FBXO45: variants seen among roughly 807,000 people sequenced by gnomAD.
FBXO45 encodes the protein F-box/SPRY domain-containing protein 1.
In FBXO45, 3 loss-of-function variants were observed where a neutral mutation model predicts 25.5. That is an observed-to-expected ratio of 0.12 (90% CI 0.05 to 0.30). The LOEUF (loss-of-function observed/expected upper bound fraction) is 0.30, where lower values mean the gene tolerates loss of function less well. Among genes scored for constraint, FBXO45 ranks in the 10% least tolerant of loss-of-function variants. The probability of loss-of-function intolerance (pLI) is 1.00; values close to 1 mark genes in which losing one functional copy is unlikely to be tolerated. For synonymous variants in FBXO45, 155 were observed against 149.8 expected, an observed-to-expected ratio of 1.03 and a Z score of -0.25; for missense variants, 219 against 365.0, an observed-to-expected ratio of 0.60 and a Z score of 3.26.
rs912872638 is a variant in FBXO45, at chr3:196,586,305, CTT to C, written c.*1990_*1991del. On this transcript the variant is annotated 3_prime_UTR_variant, in exon 3 of 3. Coordinates refer to ENST00000311630, the MANE Select transcript of FBXO45 (RefSeq NM_001105573.2). ...TTGAGAGTTTGGTTTATAATTGTCT[CTT>C]TTGTCTTGTTAGTAAACATTCATTT... is the stretch of plus-strand genomic sequence containing the variant. The C allele has an allele frequency of 2.0e-5, 3 of 152,100 alleles. No individual in the cohort carries two copies. 9.4% of individuals were successfully genotyped at this position (152,100 alleles called of 1,614,324 possible). A position where few individuals can be genotyped will look rare whatever the true frequency, so the allele number is the denominator to read the frequency against.
chr3:196,584,210 G>A lies in FBXO45; in HGVS notation c.753G>A (p.Gly251=). ...LAFERGYEFL[G]VAFRGLPKVC... ...TTGAACGTGGATATGAGTTCCTGGGGGTTGCTTTTAGAGGACTTCCAAAGG... is the reference window on the plus strand; with the variant it reads ...TTGAACGTGGATATGAGTTCCTGGGAGTTGCTTTTAGAGGACTTCCAAAGG... Residue 251 remains glycine (G), a synonymous_variant, in exon 3 of 3, where the codon GGG becomes GGA. Coordinates refer to ENST00000311630, the MANE Select transcript of FBXO45 (RefSeq NM_001105573.2). The surrounding 1 kb of genome is among the most constrained non-coding windows in gnomAD (Gnocchi z 4.3). 6.2e-7 allele frequency: 1 copy of A among 1,613,932 alleles called. No homozygotes were observed. Among genetic ancestry groups the A allele is most frequent in the Non-Finnish European group, 8.5e-7 (1 of 1,179,858 alleles).
At position 196,577,627 on chromosome 3, in the gene FBXO45, C is replaced by G. The variant is rs745817601; in HGVS notation, c.493C>G (p.Leu165Val). The G allele has an allele frequency of 1.1e-5, 17 of 1,613,624 alleles. No homozygotes were observed. The highest frequency in any genetic ancestry group is 1.4e-5 in the Non-Finnish European group (16 of 1,179,786). Residue 165 changes from leucine (L) to valine (V), a missense_variant, in exon 2 of 3, where the codon CTG becomes GTG. Around this residue, in one of 4 missense-constraint regions of FBXO45, gnomAD observed 31 missense variants for 107.2 expected, o/e 0.29. Transcript: ENST00000311630. ...ATGGGAAGTGTGGTGGGAGGGCCCTCTGGGCACTGTGGCAGTGATTGGAAT... is the reference window on the plus strand; with the variant it reads ...ATGGGAAGTGTGGTGGGAGGGCCCTGTGGGCACTGTGGCAGTGATTGGAAT... ...HAWEVWWEGP[L>V]GTVAVIGIAT... is the part of the protein sequence containing the mutation.
chr3:196,584,760 G>A lies in FBXO45; in HGVS notation c.*442G>A, dbSNP rs1736076509. ...ATTAGAAAAGTATGAAACTGGTTGG[G>A]TTTTATTTAATATTTTTAATATATT... On this transcript the variant is annotated 3_prime_UTR_variant, in exon 3 of 3. Coordinates refer to ENST00000311630, the MANE Select transcript of FBXO45 (RefSeq NM_001105573.2). This position sits in a 1 kb window ranked among gnomAD's most constrained non-coding sequence, Gnocchi z 4.3. 6.6e-6 allele frequency: 1 copy of A among 152,338 alleles called. No individual in the cohort carries two copies. Among genetic ancestry groups the A allele is most frequent in the African/African-American group, 2.4e-5 (1 of 41,338 alleles). 9.4% of individuals were successfully genotyped at this position (152,338 alleles called of 1,614,324 possible).
intron 1 of FBXO45, among the ~76,000 whole-genome samples, chr3:196,570,899 G>C (rs1264721288): frequency 6.6e-6 from 1 of 151,958 alleles, no homozygotes; most frequent in Non-Finnish European, 1.5e-5. Flanking sequence ...TTTCAGTAGA[G>C]ACAGGGTTTC....
intron 2 of FBXO45, among the ~76,000 whole-genome samples, chr3:196,579,609 A>G (rs1735974647): frequency 6.6e-6 from 1 of 152,212 alleles, no homozygotes; most frequent in Admixed American, 6.5e-5. Context: ...GAAAAAATGT[A>G]TATTCTTTTG....
At chr3:196,577,895 G>T in intron 2 of FBXO45, 86 bp downstream of exon 2, 3 of 764,734 alleles carry the variant, frequency 3.9e-6, no homozygotes, top group Non-Finnish European at 5.5e-6. Context: ...TTATATAGCA[G>T]TTTTTGTCTT....
At chr3:196,582,526 A>T (rs1156719589) in intron 2 of FBXO45, among the ~76,000 whole-genome samples, 2 of 152,174 alleles carry the variant, frequency 1.3e-5, no homozygotes, top group African/African-American at 2.4e-5. Context: ...AATCAGGTAG[A>T]ATTAAATTTT....
intron 2 of FBXO45, among the ~76,000 whole-genome samples, chr3:196,580,435 C>A (rs577388578): frequency 6.6e-6 from 1 of 152,250 alleles, no homozygotes; most frequent in East Asian, 1.9e-4. Flanking sequence ...TGGTCTCGAA[C>A]TCCTGACCTC....
At chr3:196,571,697 G>C (rs1467659614) in intron 1 of FBXO45, among the ~76,000 whole-genome samples, 1 of 152,138 alleles carries the variant, frequency 6.6e-6, no homozygotes, top group Non-Finnish European at 1.5e-5. Context: ...TCAGCTACCC[G>C]GTTCCTCTCC....
rs752435861 is a variant in FBXO45 at position 196,569,054 on chromosome 3, GCGGGCGCGGGCT to G, written c.76_87del (p.Ala26_Gly29del). The G allele has an allele frequency of 2.0e-5, 23 of 1,141,662 alleles. No individual in the cohort carries two copies. Among genetic ancestry groups the G allele is most frequent in the Middle Eastern group, 3.6e-4 (1 of 2,788 alleles). 70.7% of individuals were successfully genotyped at this position (1,141,662 alleles called of 1,614,324 possible). On this transcript the variant is annotated inframe_deletion, in exon 1 of 3. Coordinates refer to ENST00000311630, the MANE Select transcript of FBXO45 (RefSeq NM_001105573.2). The surrounding 1 kb of genome is among the most constrained non-coding windows in gnomAD (Gnocchi z 4.1). ...TGGCTGTAGCGGCGGCGGCGCGGGC[GCGGGCGCGGGCT>G]CGGGCTCTGGGGCCGCGGGGGCCGG...
Position 196,577,471 on chromosome 3 carries a change from G to A in FBXO45, c.337G>A (p.Ala113Thr). Residue 113 changes from alanine to threonine, a missense_variant, in exon 2 of 3, where the codon GCC becomes ACC. Transcript: ENST00000311630. ...YKAKIRAFQH[A>T]FSTNDCSRNV... The stretch of plus-strand genomic sequence containing the variant: ...TTTTTAGATACGTGCTTTTCAACAT[G>A]CCTTCAGCACTAATGACTGCTCCAG... The A allele has an allele frequency of 6.3e-7, 1 of 1,583,366 alleles. No individual in the cohort carries two copies.
intron 2 of FBXO45, among the ~76,000 whole-genome samples, chr3:196,582,620 C>CT (rs1315918307): frequency 0.032 from 4,508 of 140,236 alleles, 234 homozygotes; most frequent in African/African-American, 0.11. Flanking sequence ...ATGAAACATC[C>CT]TTTTTTTTTT....
intron 1 of FBXO45, among the ~76,000 whole-genome samples, chr3:196,572,961 G>A (rs936230563): frequency 2.0e-5 from 3 of 152,022 alleles, no homozygotes; most frequent in Non-Finnish European, 4.4e-5. Context: ...TTGCTCTGTT[G>A]CCCTGGCTGG....
intron 1 of FBXO45, among the ~76,000 whole-genome samples, chr3:196,576,081 A>G (rs1251236673): frequency 6.6e-6 from 1 of 152,234 alleles, no homozygotes; most frequent in Non-Finnish European, 1.5e-5. Context: ...TTGTGAATGC[A>G]TGGGATACTG....
chr3:196,577,570 A>AC lies in FBXO45; in HGVS notation c.438dup (p.Lys147GlnfsTer6). ...TGCTCAGAGCACTGATGGTGCAAGGACCAAGATTGGTTTCAGTGAGGGCCG... is the reference window on the plus strand; with the variant it reads ...TGCTCAGAGCACTGATGGTGCAAGGACCCAAGATTGGTTTCAGTGAGGGCCG... On this transcript the variant is annotated frameshift_variant, in exon 2 of 3. Transcript: ENST00000311630. LOFTEE classifies it high-confidence loss of function. The AC allele has an allele frequency of 6.2e-7, 1 of 1,614,004 alleles. No homozygotes were observed.
chr3:196,569,247 C>G lies in FBXO45; in HGVS notation c.263C>G (p.Ala88Gly), dbSNP rs368835436. Residue 88 changes from alanine to glycine, a missense_variant, in exon 1 of 3, where the codon GCA becomes GGA. Ala to Gly is a moderately conservative substitution (Grantham distance 60). Transcript: ENST00000311630. The surrounding 1 kb of genome is among the most constrained non-coding windows in gnomAD (Gnocchi z 4.1). ...VWRSLCARSL[A>G]EEALRTDILC... ...CGGAGCCTGTGCGCCCGCAGCCTGG[C>G]AGAAGAGGCTCTGCGCACGGACATC... 2.0e-5 allele frequency: 32 copies of G among 1,585,400 alleles called. No individual in the cohort carries two copies. The African/African-American group carries it at 3.6e-4, about 18-fold the overall frequency.
rs33962634 is a variant in FBXO45 at position 196,581,223 on chromosome 3, CTTTTTT to C, written c.676-2887_676-2882del. On this transcript the variant is annotated intron_variant, in intron 2 of 2. Coordinates refer to ENST00000311630, the MANE Select transcript of FBXO45 (RefSeq NM_001105573.2). ...TAGAATTTCCTTTTTTTTCTTTTTC[CTTTTTT>C]TTTTTTTTTTTTTTTTTTTTTTGAG... Among the ~76,000 whole-genome samples, 46 of 63,664 alleles carry C rather than the reference CTTTTTT, an allele frequency of 7.2e-4. No homozygotes were observed. In the East Asian group the frequency reaches 0.01, roughly 14 times the overall value. The allele number at this position is 63,664 out of a possible 152,430, so 41.8% of individuals were successfully genotyped here.
At chr3:196,570,009 C>T (rs1263400478) in intron 1 of FBXO45, among the ~76,000 whole-genome samples, 1 of 152,194 alleles carries the variant, frequency 6.6e-6, no homozygotes, top group Non-Finnish European at 1.5e-5. Context: ...GTGCTGATTA[C>T]AGTTTCGCTG....
At position 196,584,182 on chromosome 3, in the gene FBXO45, C is replaced by G; in HGVS notation, c.725C>G (p.Ala242Gly). 6.2e-7 allele frequency: 1 copy of G among 1,613,888 alleles called. No individual in the cohort carries two copies. The change falls in exon 3 of 3, where the codon GCT (alanine) becomes GGT (glycine). Residue 242 changes from alanine to glycine, a missense_variant. Ala to Gly is a moderately conservative substitution (Grantham distance 60). Coordinates refer to ENST00000311630, the MANE Select transcript of FBXO45 (RefSeq NM_001105573.2). This position sits in a 1 kb window ranked among gnomAD's most constrained non-coding sequence, Gnocchi z 4.3. The stretch of plus-strand genomic sequence containing the variant: ...TTGGACATGGAAGATAAGACTTTAG[C>G]TTTTGAACGTGGATATGAGTTCCTG... The part of the protein sequence containing the change: ...VILDMEDKTL[A>G]FERGYEFLGV...
Sources: allele counts gnomAD v4.1 joint callset (sites outside exome capture counted in the v4.1 genomes callset), GRCh38; gene constraint gnomAD v4.1.1; regional missense constraint gnomAD v4.1.1; non-coding constraint Gnocchi (gnomAD v3.1); transcripts MANE v1.5; gene names NCBI Gene and HGNC (gene_info 2026-07-23, HGNC 2026-07-21).